JCAD: variants seen among roughly 807,000 people sequenced by gnomAD.
The protein encoded by JCAD is junctional cadherin 5 associated, also known as junctional cadherin 5-associated protein.
In JCAD, 40 loss-of-function variants were observed where a neutral mutation model predicts 98.0. The ratio of observed to expected loss-of-function variants is 0.41; its 90% CI spans 0.32 to 0.53. The LOEUF (loss-of-function observed/expected upper bound fraction) is 0.53. Among genes scored for constraint, JCAD ranks in the 20% least tolerant of loss-of-function variants. The probability of loss-of-function intolerance (pLI) is 0.31; values close to 1 mark genes in which losing one functional copy is unlikely to be tolerated. For missense variants in JCAD, 1,705 were observed against 1,738.1 expected (o/e 0.98, Z 0.34); for synonymous variants, 691 against 682.3 (o/e 1.01, Z -0.20).
chr10:30,061,087 T>G (rs1837693552), upstream of JCAD, among the ~76,000 whole-genome samples: 2 of 152,198 alleles, frequency 1.3e-5, no homozygotes, highest in Non-Finnish European at 2.9e-5. Flanking sequence ...GGTCCCGGGC[T>G]TGGCTTCTCT....
At chr10:30,104,441 G>A (rs374117655) in intron 1 of JCAD, among the ~76,000 whole-genome samples, 9 of 152,122 alleles carry the variant, frequency 5.9e-5, no homozygotes, top group Admixed American at 5.2e-4. Context: ...TGGATGCAGC[G>A]GAAGGTCATT....
intron 2 of JCAD, among the ~76,000 whole-genome samples, chr10:30,040,821 G>A (rs1486133059): frequency 6.6e-6 from 1 of 152,088 alleles, no homozygotes; most frequent in East Asian, 1.9e-4. Context: ...GAGGCAAAGC[G>A]GCTGGACCAG....
At chr10:30,099,338 A>G (rs958760651) in intron 1 of JCAD, among the ~76,000 whole-genome samples, 3 of 152,134 alleles carry the variant, frequency 2.0e-5, no homozygotes, top group Non-Finnish European at 4.4e-5. Flanking sequence ...ATTAGTCCTA[A>G]TTACCCTCCC....
chr10:30,045,612 G>A (rs1308320005), intron 2 of JCAD, among the ~76,000 whole-genome samples: 1 of 152,188 alleles, frequency 6.6e-6, no homozygotes, highest in East Asian at 1.9e-4. Flanking sequence ...AAGGTTATCT[G>A]AACCCTCAGA....
chr10:30,047,318 G>A (rs553471817), intron 2 of JCAD, among the ~76,000 whole-genome samples: 5 of 152,314 alleles, frequency 3.3e-5, no homozygotes, highest in African/African-American at 7.2e-5. Flanking sequence ...GCAGTGAGCC[G>A]AGATTGCACA....
Position 30,029,169 on chromosome 10 carries a change from C to T in JCAD, c.979G>A (p.Glu327Lys), listed in dbSNP as rs1328576437. The change falls in exon 3 of 4, where the codon GAG becomes AAG. Residue 327 changes from glutamate (E) to lysine (K), a missense_variant. Glu to Lys is a moderately conservative substitution (Grantham distance 56). This residue lies in a region of JCAD where 275 missense variants were observed against 346.9 expected (regional missense o/e 0.79). Transcript: ENST00000375377. ...QQMDAYVPRHELCLSDPGLEP... is the reference protein window; with the variant it reads ...QQMDAYVPRHKLCLSDPGLEP... The stretch of plus-strand genomic sequence containing the variant: ...AATCCAGGGTCTGACAGGCAGAGCT[C>T]ATGCCTGGGGACATAGGCGTCCATC... The T allele has an allele frequency of 1.2e-6, 2 of 1,614,158 alleles. No individual in the cohort carries two copies. Among genetic ancestry groups the T allele is most frequent in the Non-Finnish European group, 1.7e-6 (2 of 1,180,034 alleles).
intron 1 of JCAD, among the ~76,000 whole-genome samples, chr10:30,106,146 G>C (rs988037085): frequency 1.3e-5 from 2 of 152,100 alleles, no homozygotes; most frequent in East Asian, 3.8e-4. Flanking sequence ...ATGCAGGCTG[G>C]GGGCATTGGC....
intron 1 of JCAD, among the ~76,000 whole-genome samples, chr10:30,049,078 G>A (rs1837415180): frequency 2.0e-5 from 3 of 152,206 alleles, no homozygotes; most frequent in African/African-American, 7.2e-5. Flanking sequence ...AAAAGAGGGA[G>A]AGCCGCCCTG....
rs1308305568 is a variant in JCAD at position 30,047,622 on chromosome 10, C to G, written c.191G>C (p.Gly64Ala). ...GCGGCTTTCGGAGTCACTCACATGTCCTTTCCCCGCGGACGTCTTACGATG... is the reference window on the plus strand; with the variant it reads ...GCGGCTTTCGGAGTCACTCACATGTGCTTTCCCCGCGGACGTCTTACGATG... Reference protein sequence around the residue: ...LAHRKTSAGKGHVSDSESRRS... With the variant: ...LAHRKTSAGKAHVSDSESRRS... Residue 64 changes from glycine to alanine, a missense_variant, in exon 2 of 4, where the codon GGA becomes GCA. By Grantham distance (60) the Gly-to-Ala change is moderately conservative (BLOSUM62 0). Coordinates refer to ENST00000375377, the MANE Select transcript of JCAD (RefSeq NM_020848.4). 1 of 1,614,210 alleles carries G rather than the reference C, an allele frequency of 6.2e-7. No individual in the cohort carries two copies. Among genetic ancestry groups the G allele is most frequent in the Admixed American group, 1.7e-5 (1 of 60,034 alleles).
At chr10:30,049,725 G>A (rs1012894211) in intron 1 of JCAD, among the ~76,000 whole-genome samples, 7 of 152,144 alleles carry the variant, frequency 4.6e-5, no homozygotes, top group Non-Finnish European at 1.0e-4. Flanking sequence ...AACAGAGTAA[G>A]TTCCACCATG....
intron 1 of JCAD, among the ~76,000 whole-genome samples, chr10:30,070,398 C>A (rs960605723): frequency 2.6e-5 from 4 of 152,278 alleles, no homozygotes; most frequent in Admixed American, 2.6e-4. Flanking sequence ...CTGCACATAC[C>A]ATCCCTCGAG....
chr10:30,024,053 T>A (rs1360166966), intron 3 of JCAD, among the ~76,000 whole-genome samples: 1 of 152,144 alleles, frequency 6.6e-6, no homozygotes, highest in Non-Finnish European at 1.5e-5. Context: ...TAGTCCCAGC[T>A]ACTTGGGAGG....
At chr10:30,035,370 TC>T (rs1315643638) in intron 2 of JCAD, among the ~76,000 whole-genome samples, 2 of 152,222 alleles carry the variant, frequency 1.3e-5, no homozygotes, top group African/African-American at 4.8e-5. Context: ...ATACAGGTCA[TC>T]CGGGAAATTT....
rs1476814620 is a variant in JCAD, at chr10:30,029,225, G to A, written c.923C>T (p.Ala308Val). The stretch of plus-strand genomic sequence containing the variant: ...GCTGTCCTGAGAGTCACTGCTGTCC[G>A]CTCCTCCCCTAGACTGCTGGTGCGA... ...YSSHQQSRGG[A>V]DSSDSQDSQQ... is the part of the protein sequence containing the mutation. Residue 308 changes from alanine (A) to valine (V), a missense_variant, in exon 3 of 4, where the codon GCG becomes GTG. Coordinates refer to ENST00000375377, the MANE Select transcript of JCAD (RefSeq NM_020848.4). 8 of 1,614,020 alleles carry A rather than the reference G, an allele frequency of 5.0e-6. No homozygotes were observed. Among genetic ancestry groups the A allele is most frequent in the African/African-American group, 2.7e-5 (2 of 74,904 alleles).
At chr10:30,040,164 G>A (rs1837211941) in intron 2 of JCAD, among the ~76,000 whole-genome samples, 1 of 152,134 alleles carries the variant, frequency 6.6e-6, no homozygotes, top group African/African-American at 2.4e-5. Context: ...TAATCAACAG[G>A]CCTTCACAAT....
intron 2 of JCAD, among the ~76,000 whole-genome samples, chr10:30,038,694 A>AT (rs1302894523): frequency 1.4e-5 from 2 of 146,348 alleles, no homozygotes; most frequent in African/African-American, 5.5e-5. Context: ...AAAATAAAAA[A>AT]AAAAAAAAAA....
chr10:30,053,175 G>A (rs1245475253), intron 1 of JCAD, among the ~76,000 whole-genome samples: 1 of 152,118 alleles, frequency 6.6e-6, no homozygotes, highest in Admixed American at 6.6e-5. Context: ...AAGGGCATGA[G>A]GAGCTATAAG....
At position 30,027,430 on chromosome 10, in the gene JCAD, C is replaced by G. The variant is rs1181175599; in HGVS notation, c.2718G>C (p.Ser906=). 4 of 1,603,492 alleles carry G rather than the reference C, an allele frequency of 2.5e-6. No homozygotes were observed. Among genetic ancestry groups the G allele is most frequent in the Middle Eastern group, 1.6e-4 (1 of 6,082 alleles). ...MWVPESPVCR[S]GRGESKSESW... The stretch of plus-strand genomic sequence containing the variant: ...TCTCAGACTTACTCTCACCTCTTCC[C>G]GACCTACACACAGGGCTCTCCGGCA... Residue 906 remains serine (S), a synonymous_variant, in exon 3 of 4, where the codon TCG becomes TCC. Coordinates refer to ENST00000375377, the MANE Select transcript of JCAD (RefSeq NM_020848.4).
At chr10:30,069,171 T>G (rs150616704) in intron 2 of JCAD, among the ~76,000 whole-genome samples, 208 of 152,264 alleles carry the variant, frequency 1.4e-3, no homozygotes, top group African/African-American at 4.7e-3. Context: ...TTGAATAGAA[T>G]TTTTGAATAC....
Sources: gnomAD v4.1 joint callset for allele counts (sites outside exome capture counted in the v4.1 genomes callset) on GRCh38, gnomAD v4.1.1 for gene constraint, gnomAD v4.1.1 regional missense constraint, MANE v1.5 for transcripts, NCBI Gene and HGNC (gene_info 2026-07-23, HGNC 2026-07-21) for gene names.